TENM4: variants seen among roughly 807,000 people sequenced by gnomAD.
TENM4 encodes teneurin transmembrane protein 4.
TENM4 carries 82 observed loss-of-function variants against 243.3 expected under a neutral mutation model. The ratio of observed to expected loss-of-function variants is 0.34; its 90% CI spans 0.28 to 0.40. The LOEUF (loss-of-function observed/expected upper bound fraction) is 0.40. Among genes scored for constraint, TENM4 ranks in the 10% least tolerant of loss-of-function variants. The pLI, the probability that TENM4 is intolerant of heterozygous loss-of-function variation, is 1.00. For synonymous variants in TENM4, 1,412 were observed against 1,456.3 expected, an observed-to-expected ratio of 0.97 and a Z score of 0.69; for missense variants, 3,138 against 3,673.3, an observed-to-expected ratio of 0.85 and a Z score of 3.77.
At chr11:79,277,397 G>A (rs767202876) in intron 2 of TENM4, among the ~76,000 whole-genome samples, 6 of 152,178 alleles carry the variant, frequency 3.9e-5, no homozygotes, top group Non-Finnish European at 7.3e-5. Flanking sequence ...CTCTATGAGA[G>A]GGGTAGAATT....
At chr11:79,243,206 G>A (rs1299076396) in intron 2 of TENM4, among the ~76,000 whole-genome samples, 3 of 152,126 alleles carry the variant, frequency 2.0e-5, no homozygotes, top group Non-Finnish European at 4.4e-5. Flanking sequence ...GAACAGGGGA[G>A]GAGGTGTCTG....
intron 9 of TENM4, among the ~76,000 whole-genome samples, chr11:78,863,431 GA>G (rs1252255057): frequency 6.6e-6 from 1 of 152,108 alleles, no homozygotes; most frequent in Non-Finnish European, 1.5e-5. Context: ...CAATCTGGGG[GA>G]AAAACTGCAA....
chr11:78,712,843 T>G, intron 25 of TENM4, 129 bp from the exon 26 acceptor site: 1 of 885,588 alleles, frequency 1.1e-6, no homozygotes, highest in African/African-American at 1.7e-5. Flanking sequence ...TGCCCCTATT[T>G]TGGGTGATGG....
At chr11:79,162,253 G>T (rs1272131140) in intron 3 of TENM4, among the ~76,000 whole-genome samples, 2 of 152,194 alleles carry the variant, frequency 1.3e-5, no homozygotes, top group African/African-American at 4.8e-5. Context: ...TAGTCTTCCA[G>T]TTACTAGTTC....
intron 6 of TENM4, among the ~76,000 whole-genome samples, chr11:78,976,923 CT>C (rs1263839693): frequency 6.6e-6 from 1 of 152,226 alleles, no homozygotes; most frequent in Non-Finnish European, 1.5e-5. Context: ...TTGCCACGTG[CT>C]TTCCAACATA....
chr11:78,931,347 G>C lies in TENM4; in HGVS notation c.494-27824C>G, dbSNP rs1162898536. Among the ~76,000 whole-genome samples, 5 of 152,222 alleles carry C rather than the reference G, an allele frequency of 3.3e-5. No homozygotes were observed. The East Asian group carries it at 7.7e-4, about 23-fold the overall frequency. On this transcript the variant is annotated intron_variant, in intron 6 of 33. Coordinates refer to ENST00000278550, the MANE Select transcript of TENM4 (RefSeq NM_001098816.3). ...AGAAAGGATATCCACAGCCTTGAAAGGAGGCTCAGCAAGAAGGGAGTTGGC... is the reference window on the plus strand; with the variant it reads ...AGAAAGGATATCCACAGCCTTGAAACGAGGCTCAGCAAGAAGGGAGTTGGC...
chr11:79,276,806 C>T (rs1856064403), intron 2 of TENM4, among the ~76,000 whole-genome samples: 1 of 152,218 alleles, frequency 6.6e-6, no homozygotes, highest in East Asian at 1.9e-4. Flanking sequence ...AGCCTTTTTC[C>T]TCTGCCACCC....
chr11:78,887,006 ACTC>A (rs1855561511), intron 9 of TENM4, among the ~76,000 whole-genome samples: 1 of 151,738 alleles, frequency 6.6e-6, no homozygotes, highest in Non-Finnish European at 1.5e-5. Context: ...GTAAGCTTCT[ACTC>A]CTCCTTCCTC....
rs560786784 is a variant in TENM4 at position 78,849,640 on chromosome 11, C to T, written c.1681+4464G>A. 3.3e-5 allele frequency among the ~76,000 whole-genome samples: 5 copies of T among 152,194 alleles called. No homozygotes were observed. In the South Asian group the frequency reaches 6.2e-4, roughly 19 times the overall value. On this transcript the variant is annotated intron_variant, in intron 12 of 33. Transcript: ENST00000278550. ...AAAGAGAAGTAAGTGATACCAAAAA[C>T]GGGGGTTTGATGCTGGGAAGAAGGC...
chr11:79,202,468 G>A (rs1338966698), intron 3 of TENM4, among the ~76,000 whole-genome samples: 1 of 152,222 alleles, frequency 6.6e-6, no homozygotes, highest in East Asian at 1.9e-4. Context: ...TCCTGCCAAA[G>A]AAAGGAAGGA....
chr11:79,345,149 AC>A (rs1259777516), intron 1 of TENM4, among the ~76,000 whole-genome samples: 1 of 152,172 alleles, frequency 6.6e-6, no homozygotes, highest in Non-Finnish European at 1.5e-5. Flanking sequence ...CAAACTCTTT[AC>A]CCACCCCCTT....
chr11:79,024,643 C>T (rs977236125), intron 6 of TENM4, among the ~76,000 whole-genome samples: 23 of 152,246 alleles, frequency 1.5e-4, no homozygotes, highest in African/African-American at 5.3e-4. Context: ...AGTATTGCTT[C>T]TTTTGCATCC....
intron 14 of TENM4, among the ~76,000 whole-genome samples, chr11:78,808,224 G>A (rs1397057352): frequency 6.6e-6 from 1 of 152,188 alleles, no homozygotes; most frequent in Non-Finnish European, 1.5e-5. Context: ...CATTTATTTT[G>A]AGAACTAGCT....
Position 79,153,937 on chromosome 11 carries a change from C to T in TENM4, c.-162-5131G>A, listed in dbSNP as rs549837226. Among the ~76,000 whole-genome samples, 7 of 152,242 alleles carry T rather than the reference C, an allele frequency of 4.6e-5. No homozygotes were observed. In the South Asian group the frequency reaches 1.5e-3, roughly 32 times the overall value. On this transcript the variant is annotated intron_variant, in intron 3 of 33. Transcript: ENST00000278550. ...GAAGGACTTCAGTTTTCTGATCTGT[C>T]AGGTTAGGACAAGAACCCCAAACTC...
Position 78,676,273 on chromosome 11 carries a change from T to A in TENM4, c.5375A>T (p.Asn1792Ile). Residue 1792 changes from asparagine (N) to isoleucine (I), a missense_variant, in exon 30 of 34, where the codon AAC becomes ATC. Asn to Ile is a moderately radical substitution (Grantham distance 149). Coordinates refer to ENST00000278550, the MANE Select transcript of TENM4 (RefSeq NM_001098816.3). ...TEPHLLAGTV[N>I]PTVGKRNVTL... ...GACATTCCTCTTGCCCACGGTGGGG[T>A]TGACGGTGCCAGCCAGCAAGTGGGG... is the stretch of plus-strand genomic sequence containing the variant. 1 of 1,612,808 alleles carries A rather than the reference T, an allele frequency of 6.2e-7. No individual in the cohort carries two copies. The highest frequency in any genetic ancestry group is 1.1e-5 in the South Asian group (1 of 91,010).
chr11:78,951,192 C>T (rs1331978894), intron 6 of TENM4, among the ~76,000 whole-genome samples: 1 of 152,244 alleles, frequency 6.6e-6, no homozygotes, highest in Non-Finnish European at 1.5e-5. Flanking sequence ...GTCCCCCTGT[C>T]TGCGCAGAGG....
chr11:78,835,729 T>G (rs991024687), intron 12 of TENM4, among the ~76,000 whole-genome samples: 8 of 152,300 alleles, frequency 5.3e-5, no homozygotes, highest in African/African-American at 1.4e-4. Context: ...GTCATGTACT[T>G]AATATAAACC....
intron 6 of TENM4, among the ~76,000 whole-genome samples, chr11:79,031,654 G>A (rs1859240547): frequency 6.6e-6 from 1 of 152,176 alleles, no homozygotes; most frequent in Admixed American, 6.5e-5. Context: ...AGGGGTTTAG[G>A]ACTGTACCTG....
chr11:78,963,177 T>G (rs900386876), intron 6 of TENM4, among the ~76,000 whole-genome samples: 2 of 152,238 alleles, frequency 1.3e-5, no homozygotes, highest in African/African-American at 4.8e-5. Flanking sequence ...TTTAGGACAC[T>G]CACATTCTGT....
Sources: allele counts gnomAD v4.1 joint callset (sites outside exome capture counted in the v4.1 genomes callset), GRCh38; gene constraint gnomAD v4.1.1; transcripts MANE v1.5; gene names NCBI Gene and HGNC (gene_info 2026-07-23, HGNC 2026-07-21).